The following PTPRM variants were observed in gnomAD, a reference collection of about 807,000 sequenced individuals.
The protein encoded by PTPRM is protein tyrosine phosphatase receptor type M, also known as receptor-type tyrosine-protein phosphatase mu.
In PTPRM, 47 loss-of-function variants were observed where a neutral mutation model predicts 186.7. The observed-to-expected ratio is 0.25, with a 90% CI of 0.20 to 0.32. PTPRM has a LOEUF of 0.32. Among genes scored for constraint, PTPRM ranks in the 10% least tolerant of loss-of-function variants. The pLI is 1.00. For synonymous variants in PTPRM, 668 were observed against 674.9 expected (o/e 0.99, Z 0.16); for missense variants, 1,494 against 1,865.0 (o/e 0.80, Z 3.66).
At chr18:8,349,028 A>C (rs1428723903) in intron 23 of PTPRM, among the ~76,000 whole-genome samples, 3 of 152,224 alleles carry the variant, frequency 2.0e-5, no homozygotes, top group African/African-American at 7.2e-5. Flanking sequence ...TTCCTCTCAC[A>C]GTACTTGTCA....
intron 2 of PTPRM, among the ~76,000 whole-genome samples, chr18:7,883,513 T>G (rs1401909035): frequency 6.6e-6 from 1 of 152,232 alleles, no homozygotes; most frequent in African/African-American, 2.4e-5. Flanking sequence ...TCCTGCCAAC[T>G]GTAACTTTAC....
At chr18:8,120,615 C>T (rs1409938820) in intron 13 of PTPRM, among the ~76,000 whole-genome samples, 1 of 151,826 alleles carries the variant, frequency 6.6e-6, no homozygotes, top group Non-Finnish European at 1.5e-5. Flanking sequence ...CCTGCCTCAG[C>T]CTCCCAAGTA....
intron 4 of PTPRM, among the ~76,000 whole-genome samples, chr18:7,918,079 TG>T: frequency 2.3e-5 from 1 of 44,218 alleles, no homozygotes; most frequent in Non-Finnish European, 3.7e-5. Flanking sequence ...CTTGTGTGTT[TG>T]TGTGTGTGTG....
At chr18:8,195,330 T>C (rs1428807711) in intron 14 of PTPRM, among the ~76,000 whole-genome samples, 1 of 151,940 alleles carries the variant, frequency 6.6e-6, no homozygotes, top group African/African-American at 2.4e-5. Flanking sequence ...TTAACAAGGG[T>C]TAGCAACTGT....
chr18:7,672,896 C>G (rs2144501674), intron 1 of PTPRM, among the ~76,000 whole-genome samples: 1 of 152,284 alleles, frequency 6.6e-6, no homozygotes, highest in South Asian at 2.1e-4. Flanking sequence ...GCACGCACAC[C>G]TGCGTGCACA....
rs549548317 is a variant in PTPRM at position 8,186,202 on chromosome 18, T to C, written c.2300+42423T>C. 9.9e-5 allele frequency among the ~76,000 whole-genome samples: 15 copies of C among 151,948 alleles called. No individual in the cohort carries two copies. In the East Asian group the frequency reaches 2.9e-3, roughly 30 times the overall value. On this transcript the variant is annotated intron_variant, in intron 14 of 32. Coordinates refer to ENST00000580170, the MANE Select transcript of PTPRM (RefSeq NM_001105244.2). ...CTAGCTGGGCGTGGTGGCGGGCACCTGTAGTCCCAGCTACTAGGGAGCCTG... is the reference window on the plus strand; with the variant it reads ...CTAGCTGGGCGTGGTGGCGGGCACCCGTAGTCCCAGCTACTAGGGAGCCTG...
In PTPRM at chr18:7,933,238, A is replaced by G. The variant is rs186471423; in HGVS notation, c.663+6555A>G. Among the ~76,000 whole-genome samples the G allele has an allele frequency of 2.6e-4, 40 of 152,352 alleles. No individual in the cohort carries two copies. The East Asian group carries it at 6.8e-3, about 26-fold the overall frequency. The stretch of plus-strand genomic sequence containing the variant: ...GGATATGGCCAAAGAGAAGGCATAA[A>G]GTGTGCTTCCTTCAAGTGAAAAGGT... On this transcript the variant is annotated intron_variant, in intron 5 of 32. Transcript: ENST00000580170.
chr18:8,030,760 C>T (rs12103962), intron 7 of PTPRM, among the ~76,000 whole-genome samples: 3,741 of 152,214 alleles, frequency 0.025, 143 homozygotes, highest in African/African-American at 0.085. Context: ...ATTCTTAATA[C>T]GGTGACAGGT....
At chr18:8,120,550 TG>T (rs1468436512) in intron 13 of PTPRM, among the ~76,000 whole-genome samples, 10 of 150,890 alleles carry the variant, frequency 6.6e-5, no homozygotes, top group Non-Finnish European at 3.0e-5. Flanking sequence ...TGGAGTGTAG[TG>T]GCGCGATCTC....
chr18:8,135,481 C>T (rs1173084612), intron 13 of PTPRM, among the ~76,000 whole-genome samples: 1 of 151,748 alleles, frequency 6.6e-6, no homozygotes, highest in Non-Finnish European at 1.5e-5. Context: ...TACCTCAGAC[C>T]TTTGATCCAG....
At chr18:7,888,571 A>G (rs1335868528) in intron 3 of PTPRM, among the ~76,000 whole-genome samples, 194 bp downstream of exon 3, 1 of 152,198 alleles carries the variant, frequency 6.6e-6, no homozygotes, top group Non-Finnish European at 1.5e-5. Flanking sequence ...CAGCTTGGAT[A>G]CTTCTCAAAG....
intron 14 of PTPRM, among the ~76,000 whole-genome samples, chr18:8,146,403 G>A (rs368230021): frequency 7.9e-5 from 12 of 151,946 alleles, no homozygotes; most frequent in South Asian, 2.1e-4. Context: ...TCTAACGACC[G>A]GTGATGATAA....
At chr18:8,279,815 A>G (rs1184178802) in intron 19 of PTPRM, among the ~76,000 whole-genome samples, 7 of 152,164 alleles carry the variant, frequency 4.6e-5, no homozygotes, top group Non-Finnish European at 1.5e-5. Flanking sequence ...CCTGGCCCTA[A>G]GATGACATCC....
At chr18:8,049,730 GA>G (rs1396058217) in intron 7 of PTPRM, among the ~76,000 whole-genome samples, 1 of 137,530 alleles carries the variant, frequency 7.3e-6, no homozygotes, top group African/African-American at 2.7e-5. Context: ...TTTCTTTTTT[GA>G]GATGAAATCT....
chr18:7,612,105 G>GT (rs1432352098), intron 1 of PTPRM, among the ~76,000 whole-genome samples: 3 of 152,044 alleles, frequency 2.0e-5, no homozygotes, highest in East Asian at 1.9e-4. Flanking sequence ...GGAATAACAT[G>GT]TTTTTTTGCT....
At chr18:8,117,865 T>C (rs893982187) in intron 13 of PTPRM, among the ~76,000 whole-genome samples, 13 of 152,230 alleles carry the variant, frequency 8.5e-5, no homozygotes, top group Non-Finnish European at 1.5e-5. Context: ...TTTTAAATAT[T>C]TCTTAAAATC....
At chr18:8,279,610 G>C (rs1056865981) in intron 19 of PTPRM, among the ~76,000 whole-genome samples, 1 of 152,162 alleles carries the variant, frequency 6.6e-6, no homozygotes, top group South Asian at 2.1e-4. Flanking sequence ...CCGTAGTCGT[G>C]AGACAGAACG....
intron 7 of PTPRM, among the ~76,000 whole-genome samples, chr18:7,992,956 G>T (rs1221742454): frequency 6.6e-6 from 1 of 151,754 alleles, no homozygotes; most frequent in Non-Finnish European, 1.5e-5. Context: ...TTAAATCAAA[G>T]AATACATATT....
intron 22 of PTPRM, among the ~76,000 whole-genome samples, chr18:8,334,851 A>G (rs2095430117): frequency 6.6e-6 from 1 of 152,116 alleles, no homozygotes; most frequent in African/African-American, 2.4e-5. Flanking sequence ...AGCTGGGCTC[A>G]GTTTACCATT....
Sources: gnomAD v4.1 joint callset for allele counts (sites outside exome capture counted in the v4.1 genomes callset) on GRCh38, gnomAD v4.1.1 for gene constraint, MANE v1.5 for transcripts, NCBI Gene and HGNC (gene_info 2026-07-23, HGNC 2026-07-21) for gene names.